The following EPG5 variants were observed in gnomAD, a reference collection of about 807,000 sequenced individuals.
EPG5 encodes ectopic P granules protein 5 homolog.
In EPG5, 159 loss-of-function variants were observed where a neutral mutation model predicts 302.7. That is an observed-to-expected ratio of 0.53 (90% CI 0.46 to 0.60). The LOEUF (loss-of-function observed/expected upper bound fraction) is 0.60, where lower values mean the gene tolerates loss of function less well. Among genes scored for constraint, EPG5 ranks in the 20% least tolerant of loss-of-function variants. The pLI is 0.00. For synonymous variants in EPG5, 1,158 were observed against 1,136.8 expected (o/e 1.02, Z -0.37); for missense variants, 2,896 against 3,092.4 (o/e 0.94, Z 1.51).
At chr18:45,922,751 CA>C in intron 15 of EPG5, 151 bp from the exon 16 acceptor site, 1 of 961,400 alleles carries the variant, frequency 1.0e-6, no homozygotes, top group Non-Finnish European at 1.5e-6. Flanking sequence ...TGCACTACAT[CA>C]AAGCAATTTT....
In EPG5 at chr18:45,880,135, T is replaced by A; in HGVS notation, c.5607A>T (p.Ala1869=). 6.2e-7 allele frequency: 1 copy of A among 1,611,284 alleles called. No individual in the cohort carries two copies. The highest frequency in any genetic ancestry group is 8.5e-7 in the Non-Finnish European group (1 of 1,178,282). ...GCCAPSCQQG[A]ASTEGAVLPS... ...GAAGCACGGCGCCCTCGGTGGACGC[T>A]GCCCCCTGCTGGCAGCTGGGGGCGC... is the stretch of plus-strand genomic sequence containing the variant. Residue 1869 remains alanine (A), a synonymous_variant, in exon 32 of 44, where the codon GCA becomes GCT. Transcript: ENST00000282041.
intron 16 of EPG5, among the ~76,000 whole-genome samples, chr18:45,919,148 T>C (rs1249165239): frequency 6.6e-6 from 1 of 152,236 alleles, no homozygotes; most frequent in Non-Finnish European, 1.5e-5. Context: ...CTGACTTCTC[T>C]ACAATGTCTG....
the EPG5 span, among the ~76,000 whole-genome samples, chr18:45,823,294 T>C: frequency 1.4e-4 from 21 of 152,242 alleles, no homozygotes; most frequent in African/African-American, 4.3e-4. Flanking sequence ...ACACCTGAGA[T>C]GAGGGTGAGG....
intron 12 of EPG5, 34 bp downstream of exon 12, chr18:45,930,642 T>C: frequency 2.0e-6 from 3 of 1,512,782 alleles, no homozygotes; most frequent in South Asian, 1.3e-5. Context: ...AAAGAAAACA[T>C]TTTTAGCTGA....
At chr18:45,930,599 A>C in intron 12 of EPG5, 77 bp downstream of exon 12, 1 of 1,258,012 alleles carries the variant, frequency 7.9e-7, no homozygotes. Context: ...TTGTAAAAGC[A>C]ATCCCCCAAA....
At chr18:45,811,893 C>T in the EPG5 span, among the ~76,000 whole-genome samples, 2 of 152,098 alleles carry the variant, frequency 1.3e-5, no homozygotes, top group Non-Finnish European at 2.9e-5. Flanking sequence ...TCCTATTCAA[C>T]ATAGTGTTGG....
rs1304548833 is a variant in EPG5, at chr18:45,850,605, C to T, written c.*1862G>A. On this transcript the variant is annotated 3_prime_UTR_variant, in exon 44 of 44. Coordinates refer to ENST00000282041, the MANE Select transcript of EPG5 (RefSeq NM_020964.3). ...CAACTTTAACAGCTGAAACACTTTA[C>T]AAGATAGTGTGATATCCCTATAATT... 1 of 152,366 alleles carries T rather than the reference C, an allele frequency of 6.6e-6. No individual in the cohort carries two copies. Among genetic ancestry groups the T allele is most frequent in the African/African-American group, 2.4e-5 (1 of 41,450 alleles). 9.4% of individuals were successfully genotyped at this position (152,366 alleles called of 1,614,324 possible).
the EPG5 span, among the ~76,000 whole-genome samples, chr18:45,802,939 G>A: frequency 6.6e-6 from 1 of 152,194 alleles, no homozygotes; most frequent in East Asian, 1.9e-4. Flanking sequence ...GTCTCTTAAG[G>A]CATAGTGAGT....
chr18:45,919,514 G>GTTTTTT lies in EPG5; in HGVS notation c.3099-1701_3099-1696dup, dbSNP rs758397737. Among the ~76,000 whole-genome samples, 315 of 139,858 alleles carry GTTTTTT rather than the reference G, an allele frequency of 2.3e-3. 3 individuals carry two copies. Among genetic ancestry groups the GTTTTTT allele is most frequent in the African/African-American group, 8.0e-3 (303 of 37,976 alleles). 91.8% of individuals were successfully genotyped at this position (139,858 alleles called of 152,430 possible). A position where few individuals can be genotyped will look rare whatever the true frequency, so the allele number is the denominator to read the frequency against. Reference sequence around the variant, plus strand: ...CTGTTCTAGGCATGTTACATGTGTGGTTTTTTTTTTTTTTTTGAGACAGAG... The same window carrying GTTTTTT: ...CTGTTCTAGGCATGTTACATGTGTGGTTTTTTTTTTTTTTTTTTTTTTGAGACAGAG... On this transcript the variant is annotated intron_variant, in intron 16 of 43. Coordinates refer to ENST00000282041, the MANE Select transcript of EPG5 (RefSeq NM_020964.3).
chr18:45,801,743 T>A, the EPG5 span, among the ~76,000 whole-genome samples: 1 of 151,964 alleles, frequency 6.6e-6, no homozygotes, highest in African/African-American at 2.4e-5. Flanking sequence ...GAGGAAGGGG[T>A]ACAGGAAACT....
At chr18:45,953,447 A>G (rs567089394) in intron 2 of EPG5, 13 of 985,326 alleles carry the variant, frequency 1.3e-5, no homozygotes, top group East Asian at 1.1e-4. Flanking sequence ...TACTATGTAC[A>G]GAGATATACA....
At chr18:45,944,645 C>T (rs372880814) in intron 7 of EPG5, among the ~76,000 whole-genome samples, 1 of 152,108 alleles carries the variant, frequency 6.6e-6, no homozygotes, top group Non-Finnish European at 1.5e-5. Flanking sequence ...ATCCCAACAA[C>T]TTAGGAGGCC....
rs375085962 is a variant in EPG5, at chr18:45,910,983, C to T, written c.3984-241G>A. 3.3e-5 allele frequency among the ~76,000 whole-genome samples: 5 copies of T among 151,946 alleles called. No individual in the cohort carries two copies. In the South Asian group the frequency reaches 6.2e-4, roughly 19 times the overall value. On this transcript the variant is annotated intron_variant, in intron 22 of 43. Coordinates refer to ENST00000282041, the MANE Select transcript of EPG5 (RefSeq NM_020964.3). Reference sequence around the variant, plus strand: ...TTTAAGACATCACTACTTAGAGGTACAGCATAAAGATGGTTTCTATTCTTG... The same window carrying T: ...TTTAAGACATCACTACTTAGAGGTATAGCATAAAGATGGTTTCTATTCTTG...
chr18:45,898,669 AC>A (rs2049534006), intron 27 of EPG5, among the ~76,000 whole-genome samples: 1 of 152,190 alleles, frequency 6.6e-6, no homozygotes, highest in African/African-American at 2.4e-5. Context: ...TGTGCAGCAG[AC>A]AGCCAGAGTT....
At chr18:45,943,437 C>G in intron 8 of EPG5, 126 bp from the exon 9 acceptor site, 1 of 728,672 alleles carries the variant, frequency 1.4e-6, no homozygotes. Context: ...AGTCTCATTA[C>G]TCTGGCTCCC....
chr18:45,942,386 T>G (rs919618596), intron 9 of EPG5, among the ~76,000 whole-genome samples: 5 of 152,170 alleles, frequency 3.3e-5, no homozygotes, highest in Admixed American at 2.0e-4. Flanking sequence ...ATGGATCACT[T>G]GAGTCCAGGA....
intron 43 of EPG5, among the ~76,000 whole-genome samples, chr18:45,853,567 ACTCC>A (rs2048457074): frequency 6.6e-6 from 1 of 152,128 alleles, no homozygotes; most frequent in African/African-American, 2.4e-5. Context: ...GGAGTGCCCC[ACTCC>A]CTCCTTGTCC....
At chr18:45,829,205 C>T in the EPG5 span, 1 of 953,380 alleles carries the variant, frequency 1.0e-6, no homozygotes, top group Non-Finnish European at 1.2e-6. Context: ...CACACCCACG[C>T]CACAGTCAGC....
the EPG5 span, among the ~76,000 whole-genome samples, chr18:45,812,576 G>A: frequency 6.6e-6 from 1 of 152,056 alleles, no homozygotes; most frequent in Non-Finnish European, 1.5e-5. Flanking sequence ...CAGAGATATA[G>A]ACCAATGGAA....
Sources: gnomAD v4.1 joint callset for allele counts (sites outside exome capture counted in the v4.1 genomes callset) on GRCh38, gnomAD v4.1.1 for gene constraint, MANE v1.5 for transcripts, NCBI Gene and HGNC (gene_info 2026-07-23, HGNC 2026-07-21) for gene names.